TRRAP: variants seen among roughly 807,000 people sequenced by gnomAD.
TRRAP encodes transformation/transcription domain-associated protein.
A neutral mutation model predicts 438.8 loss-of-function variants in TRRAP; 41 were observed. That is an observed-to-expected ratio of 0.09 (90% confidence interval 0.07 to 0.12). The LOEUF (loss-of-function observed/expected upper bound fraction) is 0.12. Ranked by LOEUF, TRRAP falls within the 10% of genes least tolerant of loss-of-function variation. The pLI is 1.00. For missense variants in TRRAP, 3,122 were observed against 5,055.1 expected, an observed-to-expected ratio of 0.62 and a Z score of 11.60; for synonymous variants, 1,994 against 1,962.9, an observed-to-expected ratio of 1.02 and a Z score of -0.42.
intron 33 of TRRAP, among the ~76,000 whole-genome samples, chr7:98,947,151 T>A (rs1791120924): frequency 1.3e-5 from 2 of 152,258 alleles, no homozygotes; most frequent in Admixed American, 1.3e-4. Flanking sequence ...TGTCCCTCCC[T>A]TGTGGCCATG....
intron 65 of TRRAP, 85 bp from the exon 66 acceptor site, chr7:98,993,453 C>T (rs959507994): frequency 1.1e-5 from 16 of 1,445,108 alleles, no homozygotes; most frequent in Admixed American, 1.9e-5. Flanking sequence ...ACCAGCGCTC[C>T]TTTGGCCCAT....
In TRRAP at chr7:98,912,288, G is replaced by C; in HGVS notation, c.2199+75G>C. 2.1e-5 allele frequency: 32 copies of C among 1,510,658 alleles called. No homozygotes were observed. The South Asian group carries it at 3.9e-4, about 18-fold the overall frequency. 93.6% of individuals were successfully genotyped at this position (1,510,658 alleles called of 1,614,324 possible). A position where few individuals can be genotyped will look rare whatever the true frequency, so the allele number is the denominator to read the frequency against. On this transcript the variant is annotated intron_variant, in intron 18 of 72. Transcript: ENST00000456197. Reference sequence around the variant, plus strand: ...TTGTTAGAGACAGGGCCTCACGGTGGTGTCCAGGCTGGTCAGCGTTCTGGA... The same window carrying C: ...TTGTTAGAGACAGGGCCTCACGGTGCTGTCCAGGCTGGTCAGCGTTCTGGA...
At chr7:98,966,663 C>T (rs1792172961) in intron 49 of TRRAP, among the ~76,000 whole-genome samples, 1 of 151,510 alleles carries the variant, frequency 6.6e-6, no homozygotes, top group Non-Finnish European at 1.5e-5. Context: ...CCAGTCTGGG[C>T]ATCACGGCGA....
chr7:98,978,106 G>T, intron 56 of TRRAP, 105 bp from the exon 57 acceptor site: 1 of 1,036,138 alleles, frequency 9.7e-7, no homozygotes, highest in East Asian at 2.4e-5. Flanking sequence ...TGGCAACATA[G>T]CAAAACCTCA....
Position 98,990,442 on chromosome 7 carries a change from C to T in TRRAP, c.9592-13C>T, listed in dbSNP as rs764346437. 4.3e-6 allele frequency: 7 copies of T among 1,609,548 alleles called. No homozygotes were observed. The highest frequency in any genetic ancestry group is 1.1e-5 in the South Asian group (1 of 90,952). On this transcript the variant is annotated splice_polypyrimidine_tract_variant and intron_variant, in intron 63 of 72. Transcript: ENST00000456197. The stretch of plus-strand genomic sequence containing the variant: ...ATTGTCATTCTACTCTAGAATTTCT[C>T]CTTCTGTCTCAGGTGCTGTGGCTTT...
At chr7:98,954,011 C>T (rs1328723974) in intron 40 of TRRAP, among the ~76,000 whole-genome samples, 1 of 152,252 alleles carries the variant, frequency 6.6e-6, no homozygotes, top group Admixed American at 6.5e-5. Flanking sequence ...CTCTGACATT[C>T]CATGGCAGAT....
At position 98,983,479 on chromosome 7, in the gene TRRAP, C is replaced by T; in HGVS notation, c.9022+20C>T. On this transcript the variant is annotated intron_variant, in intron 60 of 72. Coordinates refer to ENST00000456197, the MANE Select transcript of TRRAP (RefSeq NM_001375524.1). ...ACCAGGGTAAACCGACCTGGTCCGG[C>T]ATGCATTCATCATGTAATTTTCCAG... 6.2e-7 allele frequency: 1 copy of T among 1,613,582 alleles called. No homozygotes were observed. Among genetic ancestry groups the T allele is most frequent in the Non-Finnish European group, 8.5e-7 (1 of 1,179,642 alleles).
chr7:98,967,562 C>A lies in TRRAP; in HGVS notation c.7376C>A (p.Pro2459Gln), dbSNP rs765428199. Residue 2459 changes from proline to glutamine, a missense_variant, in exon 51 of 73, where the codon CCA (proline) becomes CAA (glutamine). This residue lies in a region of TRRAP where 992 missense variants were observed against 1,281.2 expected (regional missense o/e 0.77). Coordinates refer to ENST00000456197, the MANE Select transcript of TRRAP (RefSeq NM_001375524.1). ...CTCTCTGGGCTGCGCTGTGCCCAGC[C>A]ACTCATCAGGGCAAAGTTTTTCGAG... ...AFLSGLRCAQPLIRAKFFEVF... is the reference protein window; with the variant it reads ...AFLSGLRCAQQLIRAKFFEVF... The A allele has an allele frequency of 6.2e-7, 1 of 1,614,102 alleles. No homozygotes were observed. The highest frequency in any genetic ancestry group is 8.5e-7 in the Non-Finnish European group (1 of 1,180,012).
chr7:98,907,161 T>C (rs1249476471), intron 13 of TRRAP, among the ~76,000 whole-genome samples: 1 of 151,998 alleles, frequency 6.6e-6, no homozygotes, highest in Non-Finnish European at 1.5e-5. Flanking sequence ...CCTTCTCTAC[T>C]AAAAATACAA....
At chr7:98,983,511 C>T in intron 60 of TRRAP, 52 bp downstream of exon 60, 1 of 1,600,134 alleles carries the variant, frequency 6.2e-7, no homozygotes. Context: ...CCAGACGCCC[C>T]ACGGTTCTGG....
intron 17 of TRRAP, 147 bp downstream of exon 17, chr7:98,911,418 A>G (rs1321968688): frequency 1.3e-6 from 1 of 796,210 alleles, no homozygotes; most frequent in Non-Finnish European, 1.9e-6. Flanking sequence ...TTAGGCCATA[A>G]TGTCTTGAAA....
In TRRAP at chr7:98,984,090, T is replaced by C. The variant is rs1029373835; in HGVS notation, c.9023-3T>C. ...GCTAATGATTCCTTTCTTTGCCCTC[T>C]AGCGATTGTAACTGCCTATGAGAAT... On this transcript the variant is annotated splice_region_variant and splice_polypyrimidine_tract_variant and intron_variant, in intron 60 of 72. Transcript: ENST00000456197. 6 of 1,592,286 alleles carry C rather than the reference T, an allele frequency of 3.8e-6. No individual in the cohort carries two copies. Among genetic ancestry groups the C allele is most frequent in the Non-Finnish European group, 3.4e-6 (4 of 1,168,738 alleles).
chr7:98,962,946 A>G (rs926081896), intron 47 of TRRAP, among the ~76,000 whole-genome samples: 3 of 152,206 alleles, frequency 2.0e-5, no homozygotes, highest in Admixed American at 6.5e-5. Context: ...GTTTTGTGGC[A>G]GACACATGTC....
chr7:98,965,595 G>T (rs2116685220), intron 48 of TRRAP, 101 bp from the exon 49 acceptor site: 2 of 1,517,914 alleles, frequency 1.3e-6, no homozygotes, highest in South Asian at 2.3e-5. Flanking sequence ...ACATTGAGGG[G>T]GAAAATGGGC....
At chr7:98,909,415 C>G (rs1216067355) in intron 14 of TRRAP, among the ~76,000 whole-genome samples, 2 of 152,188 alleles carry the variant, frequency 1.3e-5, no homozygotes, top group African/African-American at 4.8e-5. Flanking sequence ...CCCAGGCTCC[C>G]CAGATGCTTC....
intron 39 of TRRAP, 84 bp from the exon 40 acceptor site, chr7:98,953,083 T>C: frequency 1.0e-6 from 1 of 956,598 alleles, no homozygotes; most frequent in Non-Finnish European, 1.6e-6. Flanking sequence ...GTGTGTGTTT[T>C]TAAGGCTTAA....
chr7:98,909,489 C>T (rs1286170317), intron 14 of TRRAP, among the ~76,000 whole-genome samples: 4 of 152,218 alleles, frequency 2.6e-5, no homozygotes, highest in Admixed American at 1.3e-4. Context: ...CATAGGATCG[C>T]TGTGGGAGTT....
intron 10 of TRRAP, among the ~76,000 whole-genome samples, 171 bp from the exon 11 acceptor site, chr7:98,900,453 T>C (rs999849812): frequency 1.3e-5 from 2 of 152,180 alleles, no homozygotes; most frequent in South Asian, 2.1e-4. Context: ...CTTAAAACTT[T>C]TATGTTATTT....
intron 69 of TRRAP, among the ~76,000 whole-genome samples, chr7:99,007,275 G>C (rs1794211904): frequency 6.6e-6 from 1 of 152,240 alleles, no homozygotes; most frequent in Non-Finnish European, 1.5e-5. Flanking sequence ...CTCAGAGCAG[G>C]AAGGCCGGAC....
Sources: gnomAD v4.1 joint callset for allele counts (sites outside exome capture counted in the v4.1 genomes callset) on GRCh38, gnomAD v4.1.1 for gene constraint, gnomAD v4.1.1 regional missense constraint, MANE v1.5 for transcripts, NCBI Gene and HGNC (gene_info 2026-07-23, HGNC 2026-07-21) for gene names.